The following PPME1 variants were observed in gnomAD, a reference collection of about 807,000 sequenced individuals.
PPME1 encodes testicular secretory protein Li 39.
Under a neutral mutation model 56.9 loss-of-function variants are expected in PPME1, and 17 were observed. The ratio of observed to expected loss-of-function variants is 0.30; its 90% CI spans 0.20 to 0.45. The LOEUF (loss-of-function observed/expected upper bound fraction) is 0.45. PPME1 is among the 20% of genes least tolerant of loss of function. The pLI, the probability that PPME1 is intolerant of heterozygous loss-of-function variation, is 1.00. For synonymous variants in PPME1, 122 were observed against 156.2 expected (o/e 0.78, Z 1.63); for missense variants, 357 against 483.2 (o/e 0.74, Z 2.45).
chr11:74,247,036 G>T, intron 10 of PPME1, 43 bp from the exon 11 acceptor site: 2 of 1,540,474 alleles, frequency 1.3e-6, no homozygotes, highest in South Asian at 2.3e-5. Context: ...CTTAATACGT[G>T]AACAGCAAAA....
At chr11:74,197,751 G>A (rs573277817) in intron 1 of PPME1, among the ~76,000 whole-genome samples, 104 of 152,256 alleles carry the variant, frequency 6.8e-4, no homozygotes, top group Non-Finnish European at 1.2e-3. Context: ...GGTTGTTAAG[G>A]TCAAATTATA....
At chr11:74,194,097 A>G (rs769282975) in intron 1 of PPME1, among the ~76,000 whole-genome samples, 9 of 151,978 alleles carry the variant, frequency 5.9e-5, no homozygotes, top group Non-Finnish European at 1.0e-4. Context: ...TGTAAATGAT[A>G]TGTATTTAGC....
chr11:74,175,131 C>T (rs1332361543), intron 1 of PPME1, among the ~76,000 whole-genome samples: 8 of 152,162 alleles, frequency 5.3e-5, no homozygotes, highest in Non-Finnish European at 8.8e-5. Flanking sequence ...TCACTGCTTT[C>T]GTATATACTA....
Position 74,204,425 on chromosome 11 carries a change from CT to C in PPME1, c.271del (p.Ser91LeufsTer18), listed in dbSNP as rs1230570541. On this transcript the variant is annotated frameshift_variant, in exon 3 of 14. Coordinates refer to ENST00000328257, the MANE Select transcript of PPME1 (RefSeq NM_016147.3). LOFTEE classifies it high-confidence loss of function. Reference protein sequence around the residue: ...LLLHGGGHSALSWAVFTAAII... With the variant: ...LLLHGGGHSAXSWAVFTAAII... ...TCTGCATGGAGGAGGTCATTCTGCCCTTTCTTGGGCTGTGTTCACGGTAAGT... is the reference window on the plus strand; with the variant it reads ...TCTGCATGGAGGAGGTCATTCTGCCCTTCTTGGGCTGTGTTCACGGTAAGT... 1 of 1,612,744 alleles carries C rather than the reference CT, an allele frequency of 6.2e-7. No individual in the cohort carries two copies.
At position 74,236,573 on chromosome 11, in the gene PPME1, G is replaced by A. The variant is rs1474930966; in HGVS notation, c.710+607G>A. The stretch of plus-strand genomic sequence containing the variant: ...TACTATTTGCCAGGCACTGTGCAAG[G>A]TATTTTATATGCACTGTCTCATTTT... On this transcript the variant is annotated intron_variant, in intron 8 of 13. Transcript: ENST00000328257. Among the ~76,000 whole-genome samples, 6 of 152,292 alleles carry A rather than the reference G, an allele frequency of 3.9e-5. No homozygotes were observed. In the East Asian group the frequency reaches 9.6e-4, roughly 24 times the overall value.
At chr11:74,215,112 G>A (rs191927980) in intron 3 of PPME1, among the ~76,000 whole-genome samples, 61 of 152,316 alleles carry the variant, frequency 4.0e-4, no homozygotes, top group Non-Finnish European at 7.4e-4. Context: ...TTGGGAGGCC[G>A]AGGTGGACAG....
At chr11:74,250,828 G>C in intron 11 of PPME1, 126 bp from the exon 12 acceptor site, 1 of 731,930 alleles carries the variant, frequency 1.4e-6, no homozygotes, top group Non-Finnish European at 2.4e-6. Context: ...TGATAATTGG[G>C]TCCAGAGTAT....
At chr11:74,228,314 A>C (rs1371001737) in intron 5 of PPME1, among the ~76,000 whole-genome samples, 1 of 152,122 alleles carries the variant, frequency 6.6e-6, no homozygotes, top group Non-Finnish European at 1.5e-5. Context: ...CCTCTGTGTT[A>C]CTACTCTAAA....
At chr11:74,174,291 G>A (rs1857356029) in intron 1 of PPME1, among the ~76,000 whole-genome samples, 1 of 152,198 alleles carries the variant, frequency 6.6e-6, no homozygotes, top group Non-Finnish European at 1.5e-5. Flanking sequence ...TCTTGACTGT[G>A]AGACCCATTG....
intron 1 of PPME1, among the ~76,000 whole-genome samples, chr11:74,175,997 G>A (rs541168753): frequency 6.6e-6 from 1 of 152,230 alleles, no homozygotes; most frequent in Admixed American, 6.5e-5. Context: ...ATTTACATTG[G>A]TCGAGTCATT....
At chr11:74,173,112 GGTAGAAGGCTAC>G (rs1171579718) in intron 1 of PPME1, among the ~76,000 whole-genome samples, 3 of 152,126 alleles carry the variant, frequency 2.0e-5, no homozygotes, top group African/African-American at 7.2e-5. Flanking sequence ...GCACAATAGA[GGTAGAAGGCTAC>G]ATAGAAGGTA....
chr11:74,213,153 C>A (rs1858526437), intron 3 of PPME1, among the ~76,000 whole-genome samples: 1 of 152,122 alleles, frequency 6.6e-6, no homozygotes, highest in Non-Finnish European at 1.5e-5. Context: ...CATAAGCTGA[C>A]TGAAGAGCCC....
rs752707924 is a variant in PPME1 at position 74,171,418 on chromosome 11, C to T, written c.-4C>T. The T allele has an allele frequency of 3.1e-6, 5 of 1,609,916 alleles. No individual in the cohort carries two copies. In the South Asian group the frequency reaches 5.6e-5, roughly 18 times the overall value. ...TTTGACTACGTGCGTGCAGCCTCCC[C>T]TCGATGTCGGCCCTCGAAAAGAGCA... On this transcript the variant is annotated 5_prime_UTR_variant, in exon 1 of 14. Transcript: ENST00000328257.
intron 9 of PPME1, 33 bp downstream of exon 9, chr11:74,239,289 G>T (rs143308012): frequency 6.2e-7 from 1 of 1,604,440 alleles, no homozygotes; most frequent in Non-Finnish European, 8.5e-7. Context: ...GAAAAGATGC[G>T]GTATGGAATG....
At chr11:74,244,161 C>T (rs968559570) in intron 9 of PPME1, among the ~76,000 whole-genome samples, 1 of 152,162 alleles carries the variant, frequency 6.6e-6, no homozygotes, top group Non-Finnish European at 1.5e-5. Context: ...TTCGTTTATT[C>T]ATTCATCCAT....
At chr11:74,177,728 A>T (rs1857436528) in intron 1 of PPME1, among the ~76,000 whole-genome samples, 1 of 152,134 alleles carries the variant, frequency 6.6e-6, no homozygotes, top group Non-Finnish European at 1.5e-5. Flanking sequence ...TTTTATTGGG[A>T]TTACATTAAA....
intron 4 of PPME1, 76 bp downstream of exon 4, chr11:74,222,445 A>G: frequency 1.6e-6 from 2 of 1,269,254 alleles, no homozygotes; most frequent in Non-Finnish European, 2.3e-6. Context: ...ACTATTAGAA[A>G]TTTCAACGTG....
In PPME1 at chr11:74,171,468, G is replaced by T; in HGVS notation, c.47G>T (p.Arg16Leu). ...ATGCACCTCGGCCGCCTTCCCTCTC[G>T]CCCACCTCTACCCGGCAGCGGGGGC... Reference protein sequence around the residue: ...KSMHLGRLPSRPPLPGSGGSQ... With the variant: ...KSMHLGRLPSLPPLPGSGGSQ... Residue 16 changes from arginine to leucine, a missense_variant, in exon 1 of 14, where the codon CGC (arginine) becomes CTC (leucine). By Grantham distance (102) the Arg-to-Leu change is moderately radical. Coordinates refer to ENST00000328257, the MANE Select transcript of PPME1 (RefSeq NM_016147.3). 1 of 1,613,356 alleles carries T rather than the reference G, an allele frequency of 6.2e-7. No individual in the cohort carries two copies. The highest frequency in any genetic ancestry group is 8.5e-7 in the Non-Finnish European group (1 of 1,179,750).
intron 1 of PPME1, among the ~76,000 whole-genome samples, chr11:74,179,605 T>C (rs1428075420): frequency 6.6e-6 from 1 of 152,244 alleles, no homozygotes; most frequent in Non-Finnish European, 1.5e-5. Context: ...GAGAATACTT[T>C]AATGGTACTG....
Sources: gnomAD v4.1 joint callset for allele counts (sites outside exome capture counted in the v4.1 genomes callset) on GRCh38, gnomAD v4.1.1 for gene constraint, MANE v1.5 for transcripts, NCBI Gene and HGNC (gene_info 2026-07-23, HGNC 2026-07-21) for gene names.